The following PPARGC1A variants were observed in gnomAD, a reference collection of about 807,000 sequenced individuals.
PPARGC1A encodes peroxisome proliferator-activated receptor gamma coactivator 1-alpha.
PPARGC1A carries 25 observed loss-of-function variants against 88.7 expected under a neutral mutation model. The ratio of observed to expected loss-of-function variants is 0.28; its 90% CI spans 0.21 to 0.39. The LOEUF is 0.39. Ranked by LOEUF, PPARGC1A falls within the 10% of genes least tolerant of loss-of-function variation. The pLI is 1.00. For synonymous variants in PPARGC1A, 363 were observed against 355.6 expected (o/e 1.02, Z -0.24); for missense variants, 880 against 968.7 (o/e 0.91, Z 1.22).
the PPARGC1A span, among the ~76,000 whole-genome samples, chr4:24,294,939 C>A: frequency 6.6e-6 from 1 of 152,170 alleles, no homozygotes; most frequent in Non-Finnish European, 1.5e-5. Flanking sequence ...CTCTCCATGG[C>A]CCTCTGTGGC....
chr4:24,025,250 C>G, the PPARGC1A span, among the ~76,000 whole-genome samples: 1 of 152,080 alleles, frequency 6.6e-6, no homozygotes, highest in South Asian at 2.1e-4. Context: ...AGACTGGGAG[C>G]ATGAGGAAAG....
chr4:24,087,930 C>A, the PPARGC1A span, among the ~76,000 whole-genome samples: 2 of 152,166 alleles, frequency 1.3e-5, no homozygotes, highest in Non-Finnish European at 2.9e-5. Flanking sequence ...GTGAGCAAGG[C>A]ATTTTGCCCA....
chr4:24,104,107 A>C, the PPARGC1A span, among the ~76,000 whole-genome samples: 1 of 152,234 alleles, frequency 6.6e-6, no homozygotes, highest in Non-Finnish European at 1.5e-5. Flanking sequence ...CAAAGACAGA[A>C]TAGCTTTCCA....
chr4:24,364,734 T>A, the PPARGC1A span, among the ~76,000 whole-genome samples: 1 of 152,156 alleles, frequency 6.6e-6, no homozygotes, highest in East Asian at 1.9e-4. Context: ...TGTGTATACG[T>A]GTGGACCCAT....
intron 12 of PPARGC1A, among the ~76,000 whole-genome samples, chr4:23,796,266 A>G (rs954697506): frequency 6.6e-6 from 1 of 152,166 alleles, no homozygotes; most frequent in African/African-American, 2.4e-5. Context: ...TAGACGTGAG[A>G]GTACAAGCTG....
the PPARGC1A span, among the ~76,000 whole-genome samples, chr4:24,178,960 T>C: frequency 6.6e-6 from 1 of 152,228 alleles, no homozygotes; most frequent in Non-Finnish European, 1.5e-5. Flanking sequence ...CTATTCCGTA[T>C]TCTTCACCTA....
At chr4:23,926,261 ACT>A in the PPARGC1A span, among the ~76,000 whole-genome samples, 179 of 152,124 alleles carry the variant, frequency 1.2e-3, 1 homozygote, top group Admixed American at 2.0e-3. Flanking sequence ...GGACCAGAAC[ACT>A]CAAAATATAC....
chr4:24,165,199 A>AT, the PPARGC1A span, among the ~76,000 whole-genome samples: 1 of 152,106 alleles, frequency 6.6e-6, no homozygotes, highest in Non-Finnish European at 1.5e-5. Flanking sequence ...AAAAATTTTA[A>AT]TTTTTTTATT....
At chr4:24,431,072 C>A in the PPARGC1A span, among the ~76,000 whole-genome samples, 3 of 139,462 alleles carry the variant, frequency 2.2e-5, no homozygotes, top group Non-Finnish European at 3.0e-5. Flanking sequence ...TTGTGGTAAG[C>A]TGAGATCACA....
At chr4:23,996,775 C>A in the PPARGC1A span, among the ~76,000 whole-genome samples, 3 of 152,328 alleles carry the variant, frequency 2.0e-5, no homozygotes, top group African/African-American at 4.8e-5. Flanking sequence ...AGCATTAATG[C>A]CCCCATTGGC....
the PPARGC1A span, among the ~76,000 whole-genome samples, chr4:24,138,474 CA>C: frequency 6.6e-6 from 1 of 152,226 alleles, no homozygotes; most frequent in East Asian, 1.9e-4. Flanking sequence ...TTAAGGTCAA[CA>C]AGGGAAGGTA....
chr4:24,004,896 A>G, the PPARGC1A span, among the ~76,000 whole-genome samples: 1 of 152,162 alleles, frequency 6.6e-6, no homozygotes, highest in Non-Finnish European at 1.5e-5. Flanking sequence ...GTTTGATGAG[A>G]GGGTTAAAAC....
At chr4:23,990,852 C>A in the PPARGC1A span, among the ~76,000 whole-genome samples, 1 of 151,992 alleles carries the variant, frequency 6.6e-6, no homozygotes, top group South Asian at 2.1e-4. Flanking sequence ...GCAAAAACCA[C>A]GTCGAGTAGG....
chr4:24,044,495 T>C, the PPARGC1A span, among the ~76,000 whole-genome samples: 1 of 152,128 alleles, frequency 6.6e-6, no homozygotes, highest in South Asian at 2.1e-4. Flanking sequence ...ATTTTGGAAG[T>C]GTTTGAGGAA....
intron 5 of PPARGC1A, among the ~76,000 whole-genome samples, chr4:23,825,897 A>G (rs138134422): frequency 8.7e-4 from 133 of 152,306 alleles, no homozygotes; most frequent in Admixed American, 1.6e-3. Flanking sequence ...TTCAAAAAGA[A>G]TCCATTTATG....
At chr4:24,288,104 G>A in the PPARGC1A span, among the ~76,000 whole-genome samples, 1 of 152,054 alleles carries the variant, frequency 6.6e-6, no homozygotes, top group East Asian at 1.9e-4. Flanking sequence ...CATTCTTCAA[G>A]CTTTCAACCC....
chr4:23,887,403 GC>G (rs1281240085), intron 1 of PPARGC1A, among the ~76,000 whole-genome samples: 1 of 152,166 alleles, frequency 6.6e-6, no homozygotes, highest in Non-Finnish European at 1.5e-5. Flanking sequence ...AACAGTCCAA[GC>G]CCTGTAACTG....
chr4:24,192,993 C>G, the PPARGC1A span, among the ~76,000 whole-genome samples: 1 of 151,876 alleles, frequency 6.6e-6, no homozygotes, highest in Non-Finnish European at 1.5e-5. Context: ...TTTTTTTCAG[C>G]ACCAGAACAT....
chr4:23,831,681 T>A lies in PPARGC1A; in HGVS notation c.305A>T (p.Asp102Val), dbSNP rs1419054523. 6.2e-7 allele frequency: 1 copy of A among 1,614,008 alleles called. No homozygotes were observed. Among genetic ancestry groups the A allele is most frequent in the Admixed American group, 1.7e-5 (1 of 60,020 alleles). ...ATCAAATGAGGGCAATCCGTCTTCA[T>A]CCACAGGGAGACTGTCTAGTGTCTC... is the stretch of plus-strand genomic sequence containing the variant. ...LTETLDSLPV[D>V]EDGLPSFDAL... The change falls in exon 3 of 13, where the codon GAT becomes GTT. Residue 102 changes from aspartate (D) to valine (V), a missense_variant. By Grantham distance (152) the Asp-to-Val change is radical (BLOSUM62 -3). Coordinates refer to ENST00000264867, the MANE Select transcript of PPARGC1A (RefSeq NM_013261.5).
Sources: allele counts gnomAD v4.1 joint callset (sites outside exome capture counted in the v4.1 genomes callset), GRCh38; gene constraint gnomAD v4.1.1; transcripts MANE v1.5; gene names NCBI Gene and HGNC (gene_info 2026-07-23, HGNC 2026-07-21).